TSPO: variants seen among roughly 807,000 people sequenced by gnomAD.
The protein encoded by TSPO is benzodiazepine peripheral binding site.
A neutral mutation model predicts 13.9 loss-of-function variants in TSPO; 14 were observed. The ratio of observed to expected loss-of-function variants is 1.01; its 90% CI spans 0.67 to 1.58. TSPO has a LOEUF of 1.58. TSPO is among the 40% of genes most tolerant of loss of function. The pLI, the probability that TSPO is intolerant of heterozygous loss-of-function variation, is 0.00. For synonymous variants in TSPO, 114 were observed against 105.9 expected (o/e 1.08, Z -0.47); for missense variants, 232 against 229.6 (o/e 1.01, Z -0.07).
chr22:43,161,476 C>T (rs952923412), intron 3 of TSPO, among the ~76,000 whole-genome samples: 1 of 151,984 alleles, frequency 6.6e-6, no homozygotes, highest in African/African-American at 2.4e-5. Context: ...ACTGGCCCCT[C>T]TACATAACAG....
Position 43,163,087 on chromosome 22 carries a change from G to A in TSPO, c.*96G>A. The A allele has an allele frequency of 2.0e-6, 3 of 1,534,258 alleles. No homozygotes were observed. Among genetic ancestry groups the A allele is most frequent in the Non-Finnish European group, 2.6e-6 (3 of 1,139,894 alleles). On this transcript the variant is annotated 3_prime_UTR_variant, in exon 4 of 4. Transcript: ENST00000337554. The stretch of plus-strand genomic sequence containing the variant: ...GCTTTCATGACCACTGGGCCTGCTA[G>A]TCTGTCAGGGCCTTGGCCCAGGGGT...
chr22:43,157,203 C>G (rs1248802974), intron 1 of TSPO, among the ~76,000 whole-genome samples: 2 of 151,514 alleles, frequency 1.3e-5, no homozygotes, highest in Admixed American at 6.6e-5. Context: ...GGGAGGGTGG[C>G]CTTTCATATG....
chr22:43,162,512 G>A (rs373906212), intron 3 of TSPO, among the ~76,000 whole-genome samples: 12 of 152,302 alleles, frequency 7.9e-5, no homozygotes, highest in Non-Finnish European at 1.2e-4. Flanking sequence ...GGGAAGGGAC[G>A]TGCAAGACCT....
intron 1 of TSPO, among the ~76,000 whole-genome samples, chr22:43,154,173 T>C (rs1030689169): frequency 1.3e-5 from 2 of 151,994 alleles, no homozygotes; most frequent in South Asian, 4.1e-4. Flanking sequence ...AAGGTTACGA[T>C]GAGGACGATT....
At chr22:43,153,726 T>C (rs917525925) in intron 1 of TSPO, among the ~76,000 whole-genome samples, 2 of 151,718 alleles carry the variant, frequency 1.3e-5, no homozygotes, top group African/African-American at 2.4e-5. Context: ...TAGTCTTTTT[T>C]ATTTTTTTTT....
chr22:43,159,694 G>A, intron 2 of TSPO: 1 of 394,532 alleles, frequency 2.5e-6, no homozygotes, highest in Admixed American at 4.5e-5. Context: ...AGTGTGTGAA[G>A]GTTGGTCTTG....
chr22:43,152,779 C>G (rs1395026969), intron 1 of TSPO, among the ~76,000 whole-genome samples: 5 of 152,204 alleles, frequency 3.3e-5, no homozygotes, highest in Admixed American at 6.5e-5. Flanking sequence ...GCAGGCTGAT[C>G]CCAGCCTGCC....
intron 1 of TSPO, among the ~76,000 whole-genome samples, chr22:43,153,578 C>T (rs1017374672): frequency 3.0e-5 from 2 of 66,220 alleles, no homozygotes; most frequent in African/African-American, 9.1e-5. Flanking sequence ...GTCTCGATCT[C>T]CTGACCTCAT....
intron 1 of TSPO, 146 bp downstream of exon 1, chr22:43,151,750 G>C (rs984882863): frequency 1.3e-5 from 2 of 152,262 alleles, no homozygotes; most frequent in African/African-American, 4.8e-5. Flanking sequence ...AGCACTTGGG[G>C]CTCGGCTACC....
intron 1 of TSPO, among the ~76,000 whole-genome samples, chr22:43,154,397 T>C (rs1379015306): frequency 6.6e-6 from 1 of 152,036 alleles, no homozygotes. Context: ...CTTGCTCTGT[T>C]GCCCAGGCTG....
Position 43,162,986 on chromosome 22 carries a change from G to C in TSPO, c.505G>C (p.Glu169Gln), listed in dbSNP as rs9333342. ...HGWRGGRRLP[E>Q] ...CTGGCGTGGGGGACGGCGGCTGCCAGAGTGAGTGCCCGGCCCACCAGGGAC... is the reference window on the plus strand; with the variant it reads ...CTGGCGTGGGGGACGGCGGCTGCCACAGTGAGTGCCCGGCCCACCAGGGAC... The change falls in exon 4 of 4, where the codon GAG becomes CAG. Residue 169 changes from glutamate (E) to glutamine (Q), a missense_variant. By Grantham distance (29) the Glu-to-Gln change is conservative. Coordinates refer to ENST00000337554, the MANE Select transcript of TSPO (RefSeq NM_000714.6). 166 of 1,582,618 alleles carry C rather than the reference G, an allele frequency of 1.0e-4. No homozygotes were observed. Among genetic ancestry groups the C allele is most frequent in the Admixed American group, 5.2e-4 (29 of 55,724 alleles).
At chr22:43,158,561 G>A (rs1931328224) in intron 1 of TSPO, among the ~76,000 whole-genome samples, 1 of 152,178 alleles carries the variant, frequency 6.6e-6, no homozygotes, top group Non-Finnish European at 1.5e-5. Flanking sequence ...CAGGCAGGCT[G>A]CTCTCTGTCT....
At chr22:43,156,248 A>G (rs1181773428) in intron 1 of TSPO, among the ~76,000 whole-genome samples, 1 of 152,150 alleles carries the variant, frequency 6.6e-6, no homozygotes, top group Admixed American at 6.5e-5. Flanking sequence ...TTCGTTCCAT[A>G]CAACGGGGGA....
In TSPO at chr22:43,161,110, C is replaced by T; in HGVS notation, c.241C>T (p.Pro81Ser). The stretch of plus-strand genomic sequence containing the variant: ...AGGCTTCACAGAGAAGGCTGTGGTT[C>T]CCCTGGGCCTCTACACTGGGCAGCT... Reference protein sequence around the residue: ...LGGFTEKAVVPLGLYTGQLAL... With the variant: ...LGGFTEKAVVSLGLYTGQLAL... The change falls in exon 3 of 4, where the codon CCC becomes TCC. Residue 81 changes from proline (P) to serine (S), a missense_variant. Transcript: ENST00000337554. The T allele has an allele frequency of 6.2e-7, 1 of 1,614,146 alleles. No homozygotes were observed. Among genetic ancestry groups the T allele is most frequent in the Non-Finnish European group, 8.5e-7 (1 of 1,179,994 alleles).
At position 43,163,183 on chromosome 22, in the gene TSPO, T is replaced by A; in HGVS notation, c.*192T>A. On this transcript the variant is annotated 3_prime_UTR_variant, in exon 4 of 4. Coordinates refer to ENST00000337554, the MANE Select transcript of TSPO (RefSeq NM_000714.6). ...CAGTGTCCTGTGCTTTCTGCATGCT[T>A]AGAGCATGTTCTTGGAACATGGAAT... is the stretch of plus-strand genomic sequence containing the variant. 1.4e-6 allele frequency: 2 copies of A among 1,408,924 alleles called. No individual in the cohort carries two copies. Among genetic ancestry groups the A allele is most frequent in the Non-Finnish European group, 1.9e-6 (2 of 1,075,552 alleles). The allele number at this position is 1,408,924 out of a possible 1,614,324, so 87.3% of individuals were successfully genotyped here. A position where few individuals can be genotyped will look rare whatever the true frequency, so the allele number is the denominator to read the frequency against.
At chr22:43,155,562 G>T (rs1397385604) in intron 1 of TSPO, among the ~76,000 whole-genome samples, 1 of 152,218 alleles carries the variant, frequency 6.6e-6, no homozygotes, top group Admixed American at 6.5e-5. Flanking sequence ...AGGAAATGGG[G>T]CTAGTGGCCC....
intron 1 of TSPO, among the ~76,000 whole-genome samples, chr22:43,152,828 A>C (rs1931115447): frequency 6.6e-6 from 1 of 152,064 alleles, no homozygotes; most frequent in Admixed American, 6.5e-5. Context: ...CTTTCCTGGG[A>C]GTGTGTGTGT....
chr22:43,157,943 G>A (rs190985814), intron 1 of TSPO, among the ~76,000 whole-genome samples: 77 of 152,308 alleles, frequency 5.1e-4, no homozygotes, highest in Middle Eastern at 3.4e-3. Flanking sequence ...CAACTTTCTC[G>A]TTACTAGAAA....
Position 43,163,174 on chromosome 22 carries a change from C to T in TSPO, c.*183C>T. On this transcript the variant is annotated 3_prime_UTR_variant, in exon 4 of 4. Coordinates refer to ENST00000337554, the MANE Select transcript of TSPO (RefSeq NM_000714.6). ...ACCCGGGAGCAGTGTCCTGTGCTTT[C>T]TGCATGCTTAGAGCATGTTCTTGGA... The T allele has an allele frequency of 2.1e-6, 3 of 1,430,974 alleles. No homozygotes were observed. The highest frequency in any genetic ancestry group is 1.5e-5 in the South Asian group (1 of 67,656). 88.6% of individuals were successfully genotyped at this position (1,430,974 alleles called of 1,614,324 possible). A position where few individuals can be genotyped will look rare whatever the true frequency, so the allele number is the denominator to read the frequency against.
Sources: gnomAD v4.1 joint callset for allele counts (sites outside exome capture counted in the v4.1 genomes callset) on GRCh38, gnomAD v4.1.1 for gene constraint, MANE v1.5 for transcripts, NCBI Gene and HGNC (gene_info 2026-07-23, HGNC 2026-07-21) for gene names.